Variants in GNAI3 observed in about 807,000 individuals in gnomAD.
The protein encoded by GNAI3 is G protein subunit alpha i3, also known as guanine nucleotide-binding protein G(i) subunit alpha-3.
A neutral mutation model predicts 41.8 loss-of-function variants in GNAI3; 12 were observed. The observed-to-expected ratio is 0.29, with a 90% CI of 0.18 to 0.47. The LOEUF (loss-of-function observed/expected upper bound fraction) is 0.47, where lower values mean the gene tolerates loss of function less well. Among genes scored for constraint, GNAI3 ranks in the 20% least tolerant of loss-of-function variants. The pLI, the probability that GNAI3 is intolerant of heterozygous loss-of-function variation, is 1.00. For synonymous variants in GNAI3, 132 were observed against 146.5 expected (o/e 0.90, Z 0.71); for missense variants, 360 against 429.6 (o/e 0.84, Z 1.43).
rs878925534 is a variant in GNAI3, at chr1:109,599,123, A to T, written c.*6801A>T. On this transcript the variant is annotated 3_prime_UTR_variant, in exon 9 of 9. Transcript: ENST00000369851. ...CCAGAGTAGGAACTGTTTCAAGTTA[A>T]TGTGTCTTTTATGTTGCTTTTAAGA... is the stretch of plus-strand genomic sequence containing the variant. 4.5e-6 allele frequency: 1 copy of T among 224,706 alleles called. No individual in the cohort carries two copies. The highest frequency in any genetic ancestry group is 1.1e-5 in the Non-Finnish European group (1 of 94,524). The allele number at this position is 224,706 out of a possible 1,614,324, so 13.9% of individuals were successfully genotyped here. A position where few individuals can be genotyped will look rare whatever the true frequency, so the allele number is the denominator to read the frequency against.
At position 109,595,449 on chromosome 1, in the gene GNAI3, AC is replaced by A. The variant is rs1216322562; in HGVS notation, c.*3128del. On this transcript the variant is annotated 3_prime_UTR_variant, in exon 9 of 9. Transcript: ENST00000369851. Reference sequence around the variant, plus strand: ...ATTTTTCACAAGGTACTACATTCTTACAATGTAAGACTAGATGGACCAAAAT... The same window carrying A: ...ATTTTTCACAAGGTACTACATTCTTAAATGTAAGACTAGATGGACCAAAAT... The A allele has an allele frequency of 6.6e-6, 1 of 152,198 alleles. No homozygotes were observed. Among genetic ancestry groups the A allele is most frequent in the African/African-American group, 2.4e-5 (1 of 41,442 alleles). The allele number at this position is 152,198 out of a possible 1,614,324, so 9.4% of individuals were successfully genotyped here. A position where few individuals can be genotyped will look rare whatever the true frequency, so the allele number is the denominator to read the frequency against.
In GNAI3 at chr1:109,594,390, A is replaced by G. The variant is rs781612708; in HGVS notation, c.*2068A>G. Reference sequence around the variant, plus strand: ...GTATTTTCATTTGAATATCTATCTGATATGTTAAATTTTTAGCCCTTCTGT... The same window carrying G: ...GTATTTTCATTTGAATATCTATCTGGTATGTTAAATTTTTAGCCCTTCTGT... On this transcript the variant is annotated 3_prime_UTR_variant, in exon 9 of 9. Transcript: ENST00000369851. 4.6e-5 allele frequency: 7 copies of G among 152,134 alleles called. No individual in the cohort carries two copies. Among genetic ancestry groups the G allele is most frequent in the Non-Finnish European group, 1.0e-4 (7 of 68,022 alleles). The allele number at this position is 152,134 out of a possible 1,614,324, so 9.4% of individuals were successfully genotyped here. A position where few individuals can be genotyped will look rare whatever the true frequency, so the allele number is the denominator to read the frequency against.
Position 109,597,254 on chromosome 1 carries a change from G to A in GNAI3, c.*4932G>A, listed in dbSNP as rs1382789976. 1 of 152,084 alleles carries A rather than the reference G, an allele frequency of 6.6e-6. No individual in the cohort carries two copies. Among genetic ancestry groups the A allele is most frequent in the Non-Finnish European group, 1.5e-5 (1 of 68,042 alleles). The allele number at this position is 152,084 out of a possible 1,614,324, so 9.4% of individuals were successfully genotyped here. A position where few individuals can be genotyped will look rare whatever the true frequency, so the allele number is the denominator to read the frequency against. On this transcript the variant is annotated 3_prime_UTR_variant, in exon 9 of 9. Coordinates refer to ENST00000369851, the MANE Select transcript of GNAI3 (RefSeq NM_006496.4). ...AGGTAAGCAGATCACTTGAGGTCAG[G>A]AGTTTGAGACCAGCTTGGCCAACAT...
chr1:109,588,409 C>T (rs1649089138), intron 7 of GNAI3, among the ~76,000 whole-genome samples: 1 of 151,552 alleles, frequency 6.6e-6, no homozygotes, highest in Admixed American at 6.6e-5. Context: ...GATTGCTTGG[C>T]CTTGGTTTCA....
chr1:109,577,563 C>T (rs1435665760), intron 3 of GNAI3, among the ~76,000 whole-genome samples: 4 of 152,178 alleles, frequency 2.6e-5, no homozygotes, highest in African/African-American at 9.7e-5. Flanking sequence ...GTGTGAGCCA[C>T]CATGCCCGAC....
rs1371387685 is a variant in GNAI3, at chr1:109,596,831, A to G, written c.*4509A>G. On this transcript the variant is annotated 3_prime_UTR_variant, in exon 9 of 9. Coordinates refer to ENST00000369851, the MANE Select transcript of GNAI3 (RefSeq NM_006496.4). Reference sequence around the variant, plus strand: ...TAAATTAAAATGTCTGAGCCAGGTCATGGGAATATACATGTTTTTAATACA... The same window carrying G: ...TAAATTAAAATGTCTGAGCCAGGTCGTGGGAATATACATGTTTTTAATACA... 2 of 152,242 alleles carry G rather than the reference A, an allele frequency of 1.3e-5. No individual in the cohort carries two copies. Among genetic ancestry groups the G allele is most frequent in the Non-Finnish European group, 2.9e-5 (2 of 68,044 alleles). The allele number at this position is 152,242 out of a possible 1,614,324, so 9.4% of individuals were successfully genotyped here.
chr1:109,583,269 G>A (rs559132594), intron 5 of GNAI3, among the ~76,000 whole-genome samples: 1 of 152,294 alleles, frequency 6.6e-6, no homozygotes, highest in South Asian at 2.1e-4. Flanking sequence ...GAGTGGAGTA[G>A]TGTGATCACA....
At chr1:109,549,226 C>G (rs376294630) in intron 1 of GNAI3, among the ~76,000 whole-genome samples, 2 of 152,228 alleles carry the variant, frequency 1.3e-5, no homozygotes, top group South Asian at 4.1e-4. Flanking sequence ...ATATGTTGGG[C>G]TTGTATAATG....
In GNAI3 at chr1:109,597,497, A is replaced by G. The variant is rs978143251; in HGVS notation, c.*5175A>G. 1 of 152,046 alleles carries G rather than the reference A, an allele frequency of 6.6e-6. No individual in the cohort carries two copies. Among genetic ancestry groups the G allele is most frequent in the Non-Finnish European group, 1.5e-5 (1 of 67,998 alleles). 9.4% of individuals were successfully genotyped at this position (152,046 alleles called of 1,614,324 possible). Reference sequence around the variant, plus strand: ...TTTTAAAGTCAACACAAATATTGAAAATAAGCAACTTCAGTGCACAAATAA... The same window carrying G: ...TTTTAAAGTCAACACAAATATTGAAGATAAGCAACTTCAGTGCACAAATAA... On this transcript the variant is annotated 3_prime_UTR_variant, in exon 9 of 9. Transcript: ENST00000369851.
At chr1:109,564,341 G>A (rs760383134) in intron 1 of GNAI3, among the ~76,000 whole-genome samples, 4 of 150,380 alleles carry the variant, frequency 2.7e-5, no homozygotes, top group Non-Finnish European at 4.4e-5. Flanking sequence ...GGTCCCATCC[G>A]TTTGTTTTTT....
Position 109,593,127 on chromosome 1 carries a change from C to G in GNAI3, c.*805C>G, listed in dbSNP as rs41280244. The G allele has an allele frequency of 6.5e-6, 1 of 152,686 alleles. No homozygotes were observed. The highest frequency in any genetic ancestry group is 1.5e-5 in the Non-Finnish European group (1 of 68,022). The allele number at this position is 152,686 out of a possible 1,614,324, so 9.5% of individuals were successfully genotyped here. A position where few individuals can be genotyped will look rare whatever the true frequency, so the allele number is the denominator to read the frequency against. The stretch of plus-strand genomic sequence containing the variant: ...GATACAGACACACCCAGGGCAGCTG[C>G]CAATCAGAAATGCAAATTGCTAAAT... On this transcript the variant is annotated 3_prime_UTR_variant, in exon 9 of 9. Coordinates refer to ENST00000369851, the MANE Select transcript of GNAI3 (RefSeq NM_006496.4).
chr1:109,549,914 C>T (rs1358594896), intron 1 of GNAI3, among the ~76,000 whole-genome samples: 1 of 152,120 alleles, frequency 6.6e-6, no homozygotes, highest in African/African-American at 2.4e-5. Flanking sequence ...AGAATACTGG[C>T]ATTAGCTTAC....
Position 109,579,194 on chromosome 1 carries a change from C to T in GNAI3, c.304-10C>T. ...GAGTCATCTGTCTCTTTCTTAACTG[C>T]TTTCTTCAGGATGATGCCCGGCAAT... is the stretch of plus-strand genomic sequence containing the variant. On this transcript the variant is annotated splice_polypyrimidine_tract_variant and intron_variant, in intron 3 of 8. Transcript: ENST00000369851. The T allele has an allele frequency of 6.2e-7, 1 of 1,604,310 alleles. No individual in the cohort carries two copies. The highest frequency in any genetic ancestry group is 8.5e-7 in the Non-Finnish European group (1 of 1,174,464).
At chr1:109,591,600 T>A in intron 7 of GNAI3, 1 of 500,162 alleles carries the variant, frequency 2.0e-6, no homozygotes. Flanking sequence ...ATCTTCTCTG[T>A]ATTGTTCCAA....
chr1:109,567,447 G>A (rs966195830), intron 1 of GNAI3, among the ~76,000 whole-genome samples: 8 of 152,248 alleles, frequency 5.3e-5, no homozygotes, highest in Admixed American at 1.3e-4. Flanking sequence ...AAGGAGAGGC[G>A]ATAGTAGACA....
At chr1:109,551,484 G>A (rs1010786821) in intron 1 of GNAI3, among the ~76,000 whole-genome samples, 1 of 152,132 alleles carries the variant, frequency 6.6e-6, no homozygotes, top group African/African-American at 2.4e-5. Flanking sequence ...TCTTATGGGG[G>A]TGTAGTTTAA....
At chr1:109,555,546 A>G (rs1437377537) in intron 1 of GNAI3, among the ~76,000 whole-genome samples, 1 of 152,064 alleles carries the variant, frequency 6.6e-6, no homozygotes, top group Non-Finnish European at 1.5e-5. Context: ...AAATAATGTA[A>G]TTTTCCCTGA....
At chr1:109,587,604 T>G (rs1482641422) in intron 7 of GNAI3, among the ~76,000 whole-genome samples, 1 of 152,048 alleles carries the variant, frequency 6.6e-6, no homozygotes, top group Non-Finnish European at 1.5e-5. Context: ...CCAGAAGGAA[T>G]TTGGTATTAC....
intron 3 of GNAI3, among the ~76,000 whole-genome samples, chr1:109,577,283 T>G (rs1258968833): frequency 6.6e-6 from 1 of 150,748 alleles, no homozygotes. Context: ...TTTTTGTTTT[T>G]TTTTTTTTTT....
Sources: allele counts gnomAD v4.1 joint callset (sites outside exome capture counted in the v4.1 genomes callset), GRCh38; gene constraint gnomAD v4.1.1; transcripts MANE v1.5; gene names NCBI Gene and HGNC (gene_info 2026-07-23, HGNC 2026-07-21).